NDUFAF2: variants seen among roughly 807,000 people sequenced by gnomAD.
NDUFAF2 encodes NADH dehydrogenase [ubiquinone] 1 alpha subcomplex assembly factor 2.
In NDUFAF2, 13 loss-of-function variants were observed where a neutral mutation model predicts 22.8. The observed-to-expected ratio is 0.57, with a 90% CI of 0.37 to 0.91. NDUFAF2 has a LOEUF of 0.91. Ranked by LOEUF, NDUFAF2 falls within the 40% of genes least tolerant of loss-of-function variation. The pLI, the probability that NDUFAF2 is intolerant of heterozygous loss-of-function variation, is 0.01. For missense variants in NDUFAF2, 162 were observed against 195.2 expected (o/e 0.83, Z 1.01); for synonymous variants, 53 against 64.2 (o/e 0.83, Z 0.84).
At chr5:61,020,908 C>A (rs1027617696) in intron 1 of NDUFAF2, among the ~76,000 whole-genome samples, 20 of 151,196 alleles carry the variant, frequency 1.3e-4, no homozygotes, top group African/African-American at 4.9e-4. Flanking sequence ...GTTGGTCAGG[C>A]TGGTCTCGAA....
At chr5:61,080,467 A>G (rs866696811) in intron 2 of NDUFAF2, among the ~76,000 whole-genome samples, 5 of 152,152 alleles carry the variant, frequency 3.3e-5, no homozygotes, top group African/African-American at 7.2e-5. Flanking sequence ...TTGTATTCCC[A>G]TTAGTAGTGT....
At chr5:61,074,068 A>G (rs1050554666) in intron 2 of NDUFAF2, among the ~76,000 whole-genome samples, 2 of 152,140 alleles carry the variant, frequency 1.3e-5, no homozygotes, top group Non-Finnish European at 2.9e-5. Flanking sequence ...CCTCATAACC[A>G]TGTTATGTAT....
chr5:61,106,050 T>G (rs1404831401), intron 3 of NDUFAF2, among the ~76,000 whole-genome samples: 1 of 151,366 alleles, frequency 6.6e-6, no homozygotes, highest in Non-Finnish European at 1.5e-5. Context: ...TAGTTAAAAA[T>G]CCGTTTAAGA....
intron 1 of NDUFAF2, among the ~76,000 whole-genome samples, chr5:61,071,434 T>C (rs1752298428): frequency 6.6e-6 from 1 of 152,168 alleles, no homozygotes; most frequent in Non-Finnish European, 1.5e-5. Flanking sequence ...ATGGAAGAAA[T>C]AAAACCAGCC....
At chr5:61,046,096 G>T (rs1286631197) in intron 1 of NDUFAF2, among the ~76,000 whole-genome samples, 1 of 152,114 alleles carries the variant, frequency 6.6e-6, no homozygotes, top group African/African-American at 2.4e-5. Flanking sequence ...CCATCATTCT[G>T]TTAATATGGA....
intron 1 of NDUFAF2, among the ~76,000 whole-genome samples, chr5:61,029,386 A>G (rs556976810): frequency 6.2e-4 from 94 of 152,324 alleles, no homozygotes; most frequent in African/African-American, 2.1e-3. Context: ...CAGATGAGCA[A>G]GAGTTCACTG....
intron 2 of NDUFAF2, among the ~76,000 whole-genome samples, chr5:61,097,227 GT>G (rs1752655377): frequency 1.3e-5 from 2 of 149,100 alleles, no homozygotes; most frequent in African/African-American, 5.0e-5. Context: ...TTGCAGTGAG[GT>G]TATGTCCCAA....
At chr5:61,010,955 T>C (rs1246576013) in intron 1 of NDUFAF2, among the ~76,000 whole-genome samples, 1 of 152,092 alleles carries the variant, frequency 6.6e-6, no homozygotes, top group Non-Finnish European at 1.5e-5. Flanking sequence ...TGGCTGGCCT[T>C]TTAGTAGCCA....
intron 1 of NDUFAF2, 113 bp from the exon 2 acceptor site, chr5:61,073,012 T>C (rs1752319910): frequency 1.4e-6 from 1 of 712,364 alleles, no homozygotes; most frequent in African/African-American, 1.8e-5. Flanking sequence ...CTCGTTTTCC[T>C]GTTAATTTAA....
chr5:61,038,116 G>GAGAGA (rs1561547931), intron 1 of NDUFAF2, among the ~76,000 whole-genome samples: 1 of 147,526 alleles, frequency 6.8e-6, no homozygotes, highest in African/African-American at 2.5e-5. Context: ...GAGAGAGAGA[G>GAGAGA]GGAGAGAGAG....
intron 1 of NDUFAF2, among the ~76,000 whole-genome samples, chr5:61,039,085 G>T (rs1580107477): frequency 1.4e-5 from 2 of 141,284 alleles, no homozygotes; most frequent in East Asian, 4.2e-4. Flanking sequence ...TTTCAGTTTT[G>T]AATTTATTCA....
At chr5:61,013,630 G>GTAC (rs1751469273) in intron 1 of NDUFAF2, among the ~76,000 whole-genome samples, 2 of 150,954 alleles carry the variant, frequency 1.3e-5, no homozygotes, top group East Asian at 3.9e-4. Flanking sequence ...TGTATTCTCT[G>GTAC]TACTGTTGGT....
intron 3 of NDUFAF2, among the ~76,000 whole-genome samples, chr5:61,143,820 G>A (rs1305449638): frequency 6.6e-6 from 1 of 152,034 alleles, no homozygotes; most frequent in African/African-American, 2.4e-5. Context: ...CTTGGCATGT[G>A]TTTTGAACTT....
At chr5:61,107,736 T>C (rs1752785717) in intron 3 of NDUFAF2, among the ~76,000 whole-genome samples, 1 of 150,528 alleles carries the variant, frequency 6.6e-6, no homozygotes, top group Admixed American at 6.6e-5. Context: ...TACATATGTA[T>C]ACACGTGCCA....
At chr5:61,126,047 C>A (rs1240926964) in intron 3 of NDUFAF2, among the ~76,000 whole-genome samples, 2 of 151,960 alleles carry the variant, frequency 1.3e-5, no homozygotes, top group African/African-American at 2.4e-5. Context: ...GAAAGATCTT[C>A]TGCTTAAAAT....
intron 1 of NDUFAF2, among the ~76,000 whole-genome samples, chr5:61,069,056 A>C (rs1752263847): frequency 6.6e-6 from 1 of 152,130 alleles, no homozygotes. Flanking sequence ...AGCTTAAATG[A>C]AATTACTCAT....
chr5:61,081,862 A>G (rs1006755839), intron 2 of NDUFAF2, among the ~76,000 whole-genome samples: 4 of 152,244 alleles, frequency 2.6e-5, no homozygotes, highest in Non-Finnish European at 5.9e-5. Flanking sequence ...ATAAAAAGCA[A>G]TCTGGCAAGG....
At chr5:60,949,823 GTATAT>G (rs1277212239) in intron 1 of NDUFAF2, among the ~76,000 whole-genome samples, 17 of 152,140 alleles carry the variant, frequency 1.1e-4, no homozygotes, top group Middle Eastern at 6.8e-3. Context: ...TTATTATAAA[GTATAT>G]TATATTGTAT....
chr5:60,977,423 A>AG (rs1392267916), intron 1 of NDUFAF2, among the ~76,000 whole-genome samples: 1 of 33,430 alleles, frequency 3.0e-5, no homozygotes, highest in Non-Finnish European at 9.5e-5. Context: ...AGCTGTCTCC[A>AG]AAAAAAAAGA....
Sources: gnomAD v4.1 joint callset for allele counts (sites outside exome capture counted in the v4.1 genomes callset) on GRCh38, gnomAD v4.1.1 for gene constraint, MANE v1.5 for transcripts, NCBI Gene and HGNC (gene_info 2026-07-23, HGNC 2026-07-21) for gene names.